The following HMCN1 variants were observed in gnomAD, a reference collection of about 807,000 sequenced individuals.
HMCN1 encodes hemicentin 1.
In HMCN1, 321 loss-of-function variants were observed where a neutral mutation model predicts 625.9. That is an observed-to-expected ratio of 0.51 (90% CI 0.47 to 0.56). The LOEUF is 0.56. Ranked by LOEUF, HMCN1 falls within the 20% of genes least tolerant of loss-of-function variation. The probability of loss-of-function intolerance (pLI) is 0.00; values close to 1 mark genes in which losing one functional copy is unlikely to be tolerated. For missense variants in HMCN1, 6,588 were observed against 6,887.3 expected, an observed-to-expected ratio of 0.96 and a Z score of 1.54; for synonymous variants, 2,425 against 2,417.6, an observed-to-expected ratio of 1.00 and a Z score of -0.09.
intron 1 of HMCN1, among the ~76,000 whole-genome samples, chr1:185,824,750 A>T (rs1055727911): frequency 1.3e-5 from 2 of 152,184 alleles, no homozygotes; most frequent in Non-Finnish European, 2.9e-5. Flanking sequence ...GTTCAGAGAG[A>T]TTAAATAACT....
chr1:185,974,209 G>A (rs1651035749), intron 15 of HMCN1, among the ~76,000 whole-genome samples: 1 of 152,080 alleles, frequency 6.6e-6, no homozygotes, highest in South Asian at 2.1e-4. Flanking sequence ...CAGACTCTGT[G>A]AAGAAGCCAA....
Position 186,142,172 on chromosome 1 carries a change from T to C in HMCN1, c.13925-2001T>C, listed in dbSNP as rs1001404039. Among the ~76,000 whole-genome samples the C allele has an allele frequency of 1.3e-5, 2 of 152,130 alleles. 1 individual carries two copies. The highest frequency in any genetic ancestry group is 2.9e-5 in the Non-Finnish European group (2 of 68,020). On this transcript the variant is annotated intron_variant, in intron 89 of 106. Coordinates refer to ENST00000271588, the MANE Select transcript of HMCN1 (RefSeq NM_031935.3). ...CCTCCTTCCACCCTCCTCCCTCAAG[T>C]AGGCCCCAGTGTTTGTTGTTCCCCT... is the stretch of plus-strand genomic sequence containing the variant.
chr1:185,768,182 G>C (rs747151871), intron 1 of HMCN1, among the ~76,000 whole-genome samples: 1 of 152,082 alleles, frequency 6.6e-6, no homozygotes, highest in Non-Finnish European at 1.5e-5. Context: ...AGCCCACTTC[G>C]TTCAGAAAAC....
At chr1:186,159,857 A>T (rs1158428016) in intron 97 of HMCN1, among the ~76,000 whole-genome samples, 1 of 152,220 alleles carries the variant, frequency 6.6e-6, no homozygotes, top group African/African-American at 2.4e-5. Context: ...ATCAATGTTC[A>T]TCAAGGATAT....
chr1:185,849,468 A>G (rs989480995), intron 2 of HMCN1, among the ~76,000 whole-genome samples: 4 of 152,204 alleles, frequency 2.6e-5, no homozygotes, highest in Non-Finnish European at 4.4e-5. Flanking sequence ...ATACCCCAGT[A>G]AAAGGACTGG....
At chr1:185,892,828 G>A (rs1277304278) in intron 4 of HMCN1, among the ~76,000 whole-genome samples, 1 of 152,196 alleles carries the variant, frequency 6.6e-6, no homozygotes, top group Non-Finnish European at 1.5e-5. Flanking sequence ...TTGAGCTGTG[G>A]TGGGCTCCAC....
At chr1:186,183,401 G>A (rs935215224) in intron 105 of HMCN1, among the ~76,000 whole-genome samples, 3 of 152,108 alleles carry the variant, frequency 2.0e-5, no homozygotes, top group African/African-American at 7.2e-5. Flanking sequence ...CTCCCTGAGG[G>A]CCCCCACTGG....
chr1:185,753,188 T>C (rs116342941), intron 1 of HMCN1, among the ~76,000 whole-genome samples: 2 of 152,136 alleles, frequency 1.3e-5, no homozygotes, highest in East Asian at 3.8e-4. Context: ...CTTTAATCTA[T>C]AAATAATTCC....
At chr1:185,812,029 A>G (rs1449131611) in intron 1 of HMCN1, among the ~76,000 whole-genome samples, 2 of 152,180 alleles carry the variant, frequency 1.3e-5, no homozygotes, top group Non-Finnish European at 2.9e-5. Flanking sequence ...GATCCTCTCA[A>G]TTAGAGTTTT....
At chr1:186,154,090 G>GT (rs1315871901) in intron 97 of HMCN1, 103 bp downstream of exon 97, 4 of 931,914 alleles carry the variant, frequency 4.3e-6, no homozygotes, top group Admixed American at 1.9e-5. Flanking sequence ...ATGATATCAG[G>GT]TTTTTCATGT....
intron 1 of HMCN1, among the ~76,000 whole-genome samples, chr1:185,790,731 A>G (rs1463526881): frequency 6.6e-6 from 1 of 152,212 alleles, no homozygotes; most frequent in Non-Finnish European, 1.5e-5. Flanking sequence ...TGCATCCCCC[A>G]TTATGCCAAC....
chr1:185,859,092 ATG>A (rs1242782685), intron 2 of HMCN1, among the ~76,000 whole-genome samples: 2 of 141,226 alleles, frequency 1.4e-5, no homozygotes, highest in African/African-American at 5.3e-5. Context: ...AGTTTGATAT[ATG>A]TGTGTGTATA....
intron 82 of HMCN1, among the ~76,000 whole-genome samples, chr1:186,127,071 A>G (rs1220528238): frequency 1.3e-5 from 2 of 151,924 alleles, no homozygotes; most frequent in East Asian, 3.9e-4. Context: ...GGGTGTGAGG[A>G]AAAAAAATAA....
At chr1:185,746,350 C>T (rs1011207052) in intron 1 of HMCN1, among the ~76,000 whole-genome samples, 1 of 152,148 alleles carries the variant, frequency 6.6e-6, no homozygotes, top group Non-Finnish European at 1.5e-5. Context: ...GCTGCTATAG[C>T]AAACTATCAC....
rs1659970120 is a variant in HMCN1 at position 186,093,681 on chromosome 1, T to C, written c.10196+12T>C. On this transcript the variant is annotated intron_variant, in intron 66 of 106. Coordinates refer to ENST00000271588, the MANE Select transcript of HMCN1 (RefSeq NM_031935.3). ...GGACAAGTTATCAGGTCAGCTTTTATTGTGTCTGATTTCCTAAACAGATGA... is the reference window on the plus strand; with the variant it reads ...GGACAAGTTATCAGGTCAGCTTTTACTGTGTCTGATTTCCTAAACAGATGA... The C allele has an allele frequency of 4.3e-6, 7 of 1,612,942 alleles. No homozygotes were observed. The highest frequency in any genetic ancestry group is 1.7e-5 in the Admixed American group (1 of 59,846).
At chr1:185,869,503 T>C (rs1262128719) in intron 4 of HMCN1, among the ~76,000 whole-genome samples, 5 of 152,120 alleles carry the variant, frequency 3.3e-5, no homozygotes, top group Non-Finnish European at 5.9e-5. Flanking sequence ...AGAAATTAGA[T>C]GTCTGATTGT....
At position 186,117,119 on chromosome 1, in the gene HMCN1, G is replaced by T; in HGVS notation, c.11683+4G>T. The T allele has an allele frequency of 1.2e-6, 2 of 1,612,900 alleles. No individual in the cohort carries two copies. Among genetic ancestry groups the T allele is most frequent in the Non-Finnish European group, 1.7e-6 (2 of 1,179,258 alleles). On this transcript the variant is annotated splice_donor_region_variant and intron_variant, in intron 76 of 106. Coordinates refer to ENST00000271588, the MANE Select transcript of HMCN1 (RefSeq NM_031935.3). The stretch of plus-strand genomic sequence containing the variant: ...ACTGTGGATCTCACTGTCCAAGGTA[G>T]AATTGGCTTGGAACATGGATTGAAA...
At chr1:186,036,686 G>T (rs1319556416) in intron 36 of HMCN1, among the ~76,000 whole-genome samples, 1 of 151,724 alleles carries the variant, frequency 6.6e-6, no homozygotes, top group African/African-American at 2.4e-5. Context: ...CACCTCCCAA[G>T]TTGAAGCGAT....
intron 9 of HMCN1, 28 bp from the exon 10 acceptor site, chr1:185,928,518 T>C (rs751426125): frequency 1.2e-6 from 2 of 1,601,438 alleles, no homozygotes; most frequent in Non-Finnish European, 1.7e-6. Context: ...TTATAGTAAC[T>C]AAAAGTTTTC....
Sources: allele counts gnomAD v4.1 joint callset (sites outside exome capture counted in the v4.1 genomes callset), GRCh38; gene constraint gnomAD v4.1.1; transcripts MANE v1.5; gene names NCBI Gene and HGNC (gene_info 2026-07-23, HGNC 2026-07-21).